Variants in PCDHGA9 observed in about 807,000 individuals in gnomAD.
PCDHGA9 encodes protocadherin gamma subfamily A, 9, also known as protocadherin gamma-A9.
PCDHGA9 carries 37 observed loss-of-function variants against 62.5 expected under a neutral mutation model. That is an observed-to-expected ratio of 0.59 (90% CI 0.46 to 0.78). The LOEUF is 0.78. Ranked by LOEUF, PCDHGA9 falls within the 30% of genes least tolerant of loss-of-function variation. The pLI, the probability that PCDHGA9 is intolerant of heterozygous loss-of-function variation, is 0.00. For synonymous variants in PCDHGA9, 459 were observed against 484.6 expected (o/e 0.95, Z 0.69); for missense variants, 1,138 against 1,166.2 (o/e 0.98, Z 0.35).
chr5:141,409,490 C>G (rs780688280), intron 1 of PCDHGA9: 12 of 1,613,892 alleles, frequency 7.4e-6, no homozygotes, highest in Non-Finnish European at 1.0e-5. Context: ...CAGGGGCAAG[C>G]CGCCTCTTTC....
rs1193465269 is a variant in PCDHGA9 at position 141,467,055 on chromosome 5, C to CT, written c.2425-27736dup. Among the ~76,000 whole-genome samples, 814 of 134,448 alleles carry CT rather than the reference C, an allele frequency of 6.1e-3. 10 individuals carry two copies. Among genetic ancestry groups the CT allele is most frequent in the African/African-American group, 0.018 (656 of 36,920 alleles). The allele number at this position is 134,448 out of a possible 152,430, so 88.2% of individuals were successfully genotyped here. A position where few individuals can be genotyped will look rare whatever the true frequency, so the allele number is the denominator to read the frequency against. Reference sequence around the variant, plus strand: ...TTTTTGTGTAATGAATCAATGTTTTCTTTTTTTTTTTTTTTTAGACCAAGT... The same window carrying CT: ...TTTTTGTGTAATGAATCAATGTTTTCTTTTTTTTTTTTTTTTTAGACCAAGT... On this transcript the variant is annotated intron_variant, in intron 1 of 3. Coordinates refer to ENST00000573521, the MANE Select transcript of PCDHGA9 (RefSeq NM_018921.3).
At chr5:141,438,018 G>A (rs959672278) in intron 1 of PCDHGA9, among the ~76,000 whole-genome samples, 1 of 152,082 alleles carries the variant, frequency 6.6e-6, no homozygotes, top group African/African-American at 2.4e-5. Context: ...TGAGATTACA[G>A]GTGTGAGCCA....
Position 141,431,151 on chromosome 5 carries a change from C to T in PCDHGA9, c.2424+25775C>T, listed in dbSNP as rs764416448. The T allele has an allele frequency of 6.2e-7, 1 of 1,614,126 alleles. No individual in the cohort carries two copies. Among genetic ancestry groups the T allele is most frequent in the African/African-American group, 1.3e-5 (1 of 74,954 alleles). On this transcript the variant is annotated intron_variant, in intron 1 of 3. Coordinates refer to ENST00000573521, the MANE Select transcript of PCDHGA9 (RefSeq NM_018921.3). The surrounding 1 kb of genome is among the most constrained non-coding windows in gnomAD (Gnocchi z 4.8). ...GTAAGGGACATTAACGACAATGCGC[C>T]TTACTTTCGTGAAAGTGAATTAGAA...
chr5:141,457,809 C>A (rs1404645915), intron 1 of PCDHGA9, among the ~76,000 whole-genome samples: 1 of 152,180 alleles, frequency 6.6e-6, no homozygotes, highest in Non-Finnish European at 1.5e-5. Flanking sequence ...CTCTTGAGGT[C>A]CCAAGATAAA....
intron 1 of PCDHGA9, among the ~76,000 whole-genome samples, chr5:141,464,301 T>A (rs1237581605): frequency 6.6e-6 from 1 of 150,782 alleles, no homozygotes; most frequent in Non-Finnish European, 1.5e-5. Flanking sequence ...CTCCATTGTA[T>A]GTGCACATAT....
intron 1 of PCDHGA9, among the ~76,000 whole-genome samples, chr5:141,459,014 T>C (rs1429233660): frequency 6.6e-6 from 1 of 152,240 alleles, no homozygotes; most frequent in East Asian, 1.9e-4. Context: ...ATTACAGGCA[T>C]GAGCCACCAC....
chr5:141,475,105 G>C (rs1215386045), intron 1 of PCDHGA9, among the ~76,000 whole-genome samples: 1 of 152,156 alleles, frequency 6.6e-6, no homozygotes, highest in Non-Finnish European at 1.5e-5. Context: ...GATCCTAGGT[G>C]GTAAATAGGC....
At position 141,490,475 on chromosome 5, in the gene PCDHGA9, T is replaced by C. The variant is rs769951029; in HGVS notation, c.2425-4332T>C. On this transcript the variant is annotated intron_variant, in intron 1 of 3. Coordinates refer to ENST00000573521, the MANE Select transcript of PCDHGA9 (RefSeq NM_018921.3). This position sits in a 1 kb window ranked among gnomAD's most constrained non-coding sequence, Gnocchi z 5.4. ...TACTCGCTGCTAACCAGCCAGCCTTTGGACCGGGAGGCCACATCCCACTAT... is the reference window on the plus strand; with the variant it reads ...TACTCGCTGCTAACCAGCCAGCCTTCGGACCGGGAGGCCACATCCCACTAT... The C allele has an allele frequency of 3.7e-6, 6 of 1,614,240 alleles. No individual in the cohort carries two copies. The highest frequency in any genetic ancestry group is 5.1e-6 in the Non-Finnish European group (6 of 1,180,038).
rs144789830 is a variant in PCDHGA9 at position 141,503,198 on chromosome 5, C to T, written c.2484-2195C>T. Among the ~76,000 whole-genome samples the T allele has an allele frequency of 3.7e-3, 561 of 152,172 alleles. 5 individuals carry two copies. Among genetic ancestry groups the T allele is most frequent in the Admixed American group, 0.011 (164 of 15,268 alleles). ...TATTGTGTAATTATTTAAAATCAGC[C>T]TCTCAGTGCCCACCATGAGCACCGT... On this transcript the variant is annotated intron_variant, in intron 2 of 3. Coordinates refer to ENST00000573521, the MANE Select transcript of PCDHGA9 (RefSeq NM_018921.3).
rs1224515106 is a variant in PCDHGA9 at position 141,491,453 on chromosome 5, C to T, written c.2425-3354C>T. On this transcript the variant is annotated intron_variant, in intron 1 of 3. Transcript: ENST00000573521. The surrounding 1 kb of genome is among the most constrained non-coding windows in gnomAD (Gnocchi z 6.9). ...TGCTGCAGGCGCCAGGACTCACCCT[C>T]CCCGGACTTCTATAAGCAGTCCAGC... The T allele has an allele frequency of 6.2e-6, 10 of 1,614,120 alleles. No homozygotes were observed. The highest frequency in any genetic ancestry group is 8.5e-6 in the Non-Finnish European group (10 of 1,180,028).
intron 1 of PCDHGA9, chr5:141,415,051 C>T: frequency 3.1e-6 from 5 of 1,613,458 alleles, no homozygotes; most frequent in South Asian, 1.1e-5. Flanking sequence ...GGTGGGGGAG[C>T]ACACGGGCGA....
chr5:141,500,365 C>T (rs888624200), intron 2 of PCDHGA9, among the ~76,000 whole-genome samples: 5 of 151,956 alleles, frequency 3.3e-5, no homozygotes, highest in South Asian at 2.1e-4. Flanking sequence ...CCCACTACCA[C>T]GCCCGGCTAA....
At chr5:141,415,416 G>C (rs747598923) in intron 1 of PCDHGA9, 3 of 1,614,220 alleles carry the variant, frequency 1.9e-6, no homozygotes, top group Non-Finnish European at 2.5e-6. Flanking sequence ...TTGTGGGCGT[G>C]GACGGGGTTC....
At chr5:141,452,858 T>C (rs904455495) in intron 1 of PCDHGA9, among the ~76,000 whole-genome samples, 1 of 152,202 alleles carries the variant, frequency 6.6e-6, no homozygotes. Flanking sequence ...GGGGAGATGA[T>C]TTTCTAACTC....
chr5:141,415,428 G>A, intron 1 of PCDHGA9: 1 of 1,614,206 alleles, frequency 6.2e-7, no homozygotes, highest in Non-Finnish European at 8.5e-7. Flanking sequence ...ACGGGGTTCG[G>A]GCTTTCCTGC....
intron 1 of PCDHGA9, chr5:141,441,447 C>T: frequency 6.2e-6 from 1 of 161,550 alleles, no homozygotes. Flanking sequence ...CCAGCCCAAG[C>T]ATCACCCTAC....
intron 1 of PCDHGA9, among the ~76,000 whole-genome samples, chr5:141,467,486 T>A (rs985186472): frequency 6.6e-6 from 1 of 152,242 alleles, no homozygotes; most frequent in Non-Finnish European, 1.5e-5. Flanking sequence ...GGTTTCCACA[T>A]TTAGATCCCT....
rs1452737362 is a variant in PCDHGA9, at chr5:141,432,324, A to G, written c.2424+26948A>G. On this transcript the variant is annotated intron_variant, in intron 1 of 3. Transcript: ENST00000573521. The surrounding 1 kb of genome is among the most constrained non-coding windows in gnomAD (Gnocchi z 6.0). ...CTGTATGCGCTGAGCTCCTTCGACTACGAGCAGTTCCGAGACTTGCAAGTG... is the reference window on the plus strand; with the variant it reads ...CTGTATGCGCTGAGCTCCTTCGACTGCGAGCAGTTCCGAGACTTGCAAGTG... 3 of 1,614,058 alleles carry G rather than the reference A, an allele frequency of 1.9e-6. No homozygotes were observed. The highest frequency in any genetic ancestry group is 2.7e-5 in the African/African-American group (2 of 74,910).
chr5:141,504,763 C>G (rs1057360921), intron 2 of PCDHGA9, among the ~76,000 whole-genome samples: 5 of 152,018 alleles, frequency 3.3e-5, no homozygotes, highest in African/African-American at 1.2e-4. Context: ...AATTTCTTCT[C>G]CCTGCTCCAG....
Sources: allele counts gnomAD v4.1 joint callset (sites outside exome capture counted in the v4.1 genomes callset), GRCh38; gene constraint gnomAD v4.1.1; non-coding constraint Gnocchi (gnomAD v3.1); transcripts MANE v1.5; gene names NCBI Gene and HGNC (gene_info 2026-07-23, HGNC 2026-07-21).